The following VTA1 variants were observed in gnomAD, a reference collection of about 807,000 sequenced individuals.
VTA1 encodes the protein vesicle trafficking 1.
VTA1 carries 24 observed loss-of-function variants against 36.9 expected under a neutral mutation model. The ratio of observed to expected loss-of-function variants is 0.65; its 90% CI spans 0.47 to 0.91. The LOEUF (loss-of-function observed/expected upper bound fraction) is 0.91. VTA1 is among the 40% of genes least tolerant of loss of function. VTA1 has a pLI of 0.00. For missense variants in VTA1, 393 were observed against 377.2 expected, an observed-to-expected ratio of 1.04 and a Z score of -0.35; for synonymous variants, 142 against 130.2, an observed-to-expected ratio of 1.09 and a Z score of -0.62.
In VTA1 at chr6:142,221,157, T is replaced by C. The variant is rs1029360205; in HGVS notation, c.*2514T>C. 6.6e-6 allele frequency: 1 copy of C among 152,174 alleles called. No individual in the cohort carries two copies. The highest frequency in any genetic ancestry group is 2.4e-5 in the African/African-American group (1 of 41,442). The allele number at this position is 152,174 out of a possible 1,614,324, so 9.4% of individuals were successfully genotyped here. A position where few individuals can be genotyped will look rare whatever the true frequency, so the allele number is the denominator to read the frequency against. On this transcript the variant is annotated 3_prime_UTR_variant, in exon 8 of 8. Coordinates refer to ENST00000367630, the MANE Select transcript of VTA1 (RefSeq NM_016485.5). ...CTCCTCAAACCGGTTCTCAAAGGTG[T>C]CTCTGGACGACCGGCATCAGCATCA...
chr6:142,170,402 T>C lies in VTA1; in HGVS notation c.392T>C (p.Phe131Ser). The change falls in exon 4 of 8, where the codon TTT (phenylalanine) becomes TCT (serine). Residue 131 changes from phenylalanine (F) to serine (S), a missense_variant. Transcript: ENST00000367630. Reference protein sequence around the residue: ...ASLLIDVITVFGELTDENVKH... With the variant: ...ASLLIDVITVSGELTDENVKH... ...CTTTTGATAGATGTCATAACAGTAT[T>C]TGGAGAACTCACTGATGAAGTGAGT... 6.2e-7 allele frequency: 1 copy of C among 1,604,174 alleles called. No individual in the cohort carries two copies.
rs188354811 is a variant in VTA1 at position 142,197,021 on chromosome 6, T to A, written c.521-1418T>A. Reference sequence around the variant, plus strand: ...TGGCTCACTTCTTGGCAACTTTCTTTTATGTAGACTATTGACTGCCCTCAG... The same window carrying A: ...TGGCTCACTTCTTGGCAACTTTCTTATATGTAGACTATTGACTGCCCTCAG... On this transcript the variant is annotated intron_variant, in intron 5 of 7. Coordinates refer to ENST00000367630, the MANE Select transcript of VTA1 (RefSeq NM_016485.5). 2.0e-5 allele frequency among the ~76,000 whole-genome samples: 3 copies of A among 152,304 alleles called. No homozygotes were observed. The East Asian group carries it at 5.8e-4, about 29-fold the overall frequency.
intron 2 of VTA1, among the ~76,000 whole-genome samples, chr6:142,168,743 T>TATC (rs569566221): frequency 8.5e-4 from 47 of 55,554 alleles, no homozygotes; most frequent in African/African-American, 1.8e-3. Flanking sequence ...GAGATATCAT[T>TATC]ATTATTATTA....
intron 5 of VTA1, 99 bp downstream of exon 5, chr6:142,189,633 C>G: frequency 1.2e-6 from 1 of 820,326 alleles, no homozygotes; most frequent in East Asian, 2.8e-5. Context: ...GTTTTGTTTT[C>G]ATCAGGCCCA....
At chr6:142,208,203 A>G (rs1775832781) in intron 7 of VTA1, among the ~76,000 whole-genome samples, 1 of 152,138 alleles carries the variant, frequency 6.6e-6, no homozygotes, top group Non-Finnish European at 1.5e-5. Context: ...CCTCTAAGAT[A>G]ATACAGAAAA....
At chr6:142,217,663 T>C (rs1389011617) in intron 7 of VTA1, among the ~76,000 whole-genome samples, 2 of 151,908 alleles carry the variant, frequency 1.3e-5, no homozygotes, top group Non-Finnish European at 2.9e-5. Context: ...AGAATTGAAA[T>C]ATGTTGTCTG....
intron 1 of VTA1, 88 bp downstream of exon 1, chr6:142,147,487 G>C: frequency 7.6e-7 from 1 of 1,315,266 alleles, no homozygotes; most frequent in Non-Finnish European, 1.1e-6. Flanking sequence ...GGCATGCCCC[G>C]CCCCCCTCGC....
Position 142,205,837 on chromosome 6 carries a change from A to G in VTA1, c.778+1772A>G, listed in dbSNP as rs533493791. On this transcript the variant is annotated intron_variant, in intron 7 of 7. Coordinates refer to ENST00000367630, the MANE Select transcript of VTA1 (RefSeq NM_016485.5). Reference sequence around the variant, plus strand: ...GTGAACTAAAACATCTAATTTTGATATTATACAAGAAATCTCAGTTTGGAA... The same window carrying G: ...GTGAACTAAAACATCTAATTTTGATGTTATACAAGAAATCTCAGTTTGGAA... 2.0e-5 allele frequency among the ~76,000 whole-genome samples: 3 copies of G among 152,264 alleles called. No individual in the cohort carries two copies. In the South Asian group the frequency reaches 6.2e-4, roughly 32 times the overall value.
chr6:142,150,866 C>T (rs763111771), intron 1 of VTA1, among the ~76,000 whole-genome samples: 3 of 150,376 alleles, frequency 2.0e-5, no homozygotes, highest in South Asian at 2.1e-4. Flanking sequence ...AAGCTGAGAT[C>T]GTGCCATTGC....
intron 1 of VTA1, among the ~76,000 whole-genome samples, chr6:142,150,412 G>T (rs1210845001): frequency 6.6e-6 from 1 of 152,156 alleles, no homozygotes; most frequent in African/African-American, 2.4e-5. Context: ...TGTGGTCAGG[G>T]TAGCAAAGTA....
chr6:142,159,477 GGTATTATTATTATTATTA>G (rs892777563), intron 1 of VTA1, among the ~76,000 whole-genome samples: 1 of 133,738 alleles, frequency 7.5e-6, no homozygotes, highest in African/African-American at 2.8e-5. Flanking sequence ...TTTCATTTCA[GGTATTATTATTATTATTA>G]TTATTATTAT....
At chr6:142,189,348 T>C (rs1775406065) in intron 4 of VTA1, 78 bp from the exon 5 acceptor site, 3 of 1,192,618 alleles carry the variant, frequency 2.5e-6, no homozygotes, top group South Asian at 1.4e-5. Flanking sequence ...CTCAGAAATA[T>C]GATATAGGTC....
intron 7 of VTA1, among the ~76,000 whole-genome samples, chr6:142,209,394 A>G (rs548185897): frequency 1.3e-5 from 2 of 151,528 alleles, no homozygotes; most frequent in African/African-American, 4.8e-5. Flanking sequence ...CTATGTGTAT[A>G]TATTAATAAC....
At chr6:142,197,596 T>C (rs1192327171) in intron 5 of VTA1, among the ~76,000 whole-genome samples, 1 of 152,222 alleles carries the variant, frequency 6.6e-6, no homozygotes. Context: ...AAAATTTCAT[T>C]CCTCTGTTTT....
intron 1 of VTA1, among the ~76,000 whole-genome samples, chr6:142,162,488 A>T (rs1485415879): frequency 1.3e-5 from 2 of 152,186 alleles, no homozygotes; most frequent in Non-Finnish European, 2.9e-5. Flanking sequence ...ATGAATAATT[A>T]CCTGATGTGT....
At chr6:142,201,786 C>A (rs1775690582) in intron 6 of VTA1, among the ~76,000 whole-genome samples, 1 of 151,926 alleles carries the variant, frequency 6.6e-6, no homozygotes, top group African/African-American at 2.4e-5. Context: ...CTCATGATTA[C>A]ACTAAGGTTT....
At chr6:142,156,098 C>T (rs1778656075) in intron 1 of VTA1, among the ~76,000 whole-genome samples, 1 of 152,170 alleles carries the variant, frequency 6.6e-6, no homozygotes, top group African/African-American at 2.4e-5. Context: ...ATAAGGCAGA[C>T]AACTAGCATT....
At position 142,222,244 on chromosome 6, in the gene VTA1, A is replaced by G. The variant is rs747928132; in HGVS notation, c.*3601A>G. ...CCTCTCTCACTTAGACTGAAGTACA[A>G]TGTTTCCAAGTTTTTGTGACCAGCC... On this transcript the variant is annotated 3_prime_UTR_variant, in exon 8 of 8. Transcript: ENST00000367630. 5 of 152,204 alleles carry G rather than the reference A, an allele frequency of 3.3e-5. No individual in the cohort carries two copies. Among genetic ancestry groups the G allele is most frequent in the African/African-American group, 1.2e-4 (5 of 41,452 alleles). 9.4% of individuals were successfully genotyped at this position (152,204 alleles called of 1,614,324 possible). A position where few individuals can be genotyped will look rare whatever the true frequency, so the allele number is the denominator to read the frequency against.
At chr6:142,204,270 C>T (rs1775743981) in intron 7 of VTA1, among the ~76,000 whole-genome samples, 1 of 152,152 alleles carries the variant, frequency 6.6e-6, no homozygotes, top group Non-Finnish European at 1.5e-5. Flanking sequence ...ATACCAACAT[C>T]CAAAGCTGTC....
Sources: allele counts gnomAD v4.1 joint callset (sites outside exome capture counted in the v4.1 genomes callset), GRCh38; gene constraint gnomAD v4.1.1; transcripts MANE v1.5; gene names NCBI Gene and HGNC (gene_info 2026-07-23, HGNC 2026-07-21).